The following PLCB1 variants were observed in gnomAD, a reference collection of about 807,000 sequenced individuals.
PLCB1 encodes phospholipase C beta 1, also known as 1-phosphatidylinositol 4,5-bisphosphate phosphodiesterase beta-1.
In PLCB1, 46 loss-of-function variants were observed where a neutral mutation model predicts 161.8. The ratio of observed to expected loss-of-function variants is 0.28; its 90% CI spans 0.22 to 0.36. PLCB1 has a LOEUF of 0.36. PLCB1 is among the 10% of genes least tolerant of loss of function. The probability of loss-of-function intolerance (pLI) is 1.00; values close to 1 mark genes in which losing one functional copy is unlikely to be tolerated. For missense variants in PLCB1, 1,016 were observed against 1,472.5 expected, an observed-to-expected ratio of 0.69 and a Z score of 5.07; for synonymous variants, 517 against 503.7, an observed-to-expected ratio of 1.03 and a Z score of -0.35.
chr20:8,265,644 C>T (rs1981918967), intron 2 of PLCB1, among the ~76,000 whole-genome samples: 1 of 152,104 alleles, frequency 6.6e-6, no homozygotes, highest in African/African-American at 2.4e-5. Flanking sequence ...AACATATGAA[C>T]TTCAGTAATT....
chr20:8,331,843 C>G (rs1985377096), intron 2 of PLCB1, among the ~76,000 whole-genome samples: 1 of 152,186 alleles, frequency 6.6e-6, no homozygotes, highest in South Asian at 2.1e-4. Context: ...CTTCATATGG[C>G]TTAATATCAC....
At chr20:8,617,658 C>T (rs941508107) in intron 3 of PLCB1, among the ~76,000 whole-genome samples, 8 of 152,124 alleles carry the variant, frequency 5.3e-5, no homozygotes, top group Non-Finnish European at 8.8e-5. Flanking sequence ...CCACAAGAGG[C>T]AACCAATTCA....
chr20:8,454,600 G>T (rs1981215953), intron 3 of PLCB1, among the ~76,000 whole-genome samples: 1 of 152,108 alleles, frequency 6.6e-6, no homozygotes, highest in Admixed American at 6.5e-5. Flanking sequence ...ACTGGTTATT[G>T]GGCTGAGCAT....
At position 8,882,068 on chromosome 20, in the gene PLCB1, A is replaced by T; in HGVS notation, c.*219A>T. ...CCACAGGTCTGCTAGTGAAGAATGC[A>T]TGTATGTGAGATTTTTGTTTTCTTT... On this transcript the variant is annotated 3_prime_UTR_variant, in exon 32 of 32. Transcript: ENST00000338037. The T allele has an allele frequency of 2.1e-6, 1 of 475,688 alleles. No individual in the cohort carries two copies. The highest frequency in any genetic ancestry group is 3.7e-6 in the Non-Finnish European group (1 of 270,212). 29.5% of individuals were successfully genotyped at this position (475,688 alleles called of 1,614,324 possible).
intron 2 of PLCB1, among the ~76,000 whole-genome samples, chr20:8,349,159 A>G (rs1234719712): frequency 1.3e-5 from 2 of 152,196 alleles, no homozygotes; most frequent in African/African-American, 2.4e-5. Context: ...TGCACAGACA[A>G]TAAAATCCTT....
chr20:8,298,246 G>C (rs2123314911), intron 2 of PLCB1, among the ~76,000 whole-genome samples: 1 of 147,710 alleles, frequency 6.8e-6, no homozygotes, highest in East Asian at 2.0e-4. Context: ...AGTGAGCCAT[G>C]ATCACACCAC....
intron 2 of PLCB1, among the ~76,000 whole-genome samples, chr20:8,276,974 CTTCTTCTTCTTCTTATTATTA>C (rs1284908628): frequency 3.3e-4 from 33 of 100,944 alleles, no homozygotes; most frequent in African/African-American, 9.3e-4. Context: ...TCTTCTTCTT[CTTCTTCTTCTTCTTATTATTA>C]TTATTATTAT....
intron 23 of PLCB1, among the ~76,000 whole-genome samples, chr20:8,746,417 G>C (rs1981173721): frequency 6.6e-6 from 1 of 152,050 alleles, no homozygotes; most frequent in Non-Finnish European, 1.5e-5. Flanking sequence ...TGCAATATTT[G>C]AATATGACTT....
In PLCB1 at chr20:8,628,952, A is replaced by G. The variant is rs554645042; in HGVS notation, c.384+521A>G. On this transcript the variant is annotated intron_variant, in intron 4 of 31. Transcript: ENST00000338037. ...TATCTCAAAAAAAAAAAATAAATAA[A>G]TAAAGAGAATAAGGCATTTGATATA... 1.2e-4 allele frequency among the ~76,000 whole-genome samples: 19 copies of G among 152,260 alleles called. 1 individual carries two copies. Among genetic ancestry groups the G allele is most frequent in the African/African-American group, 3.9e-4 (16 of 41,548 alleles).
At chr20:8,291,790 G>T (rs1274179714) in intron 2 of PLCB1, among the ~76,000 whole-genome samples, 1 of 152,106 alleles carries the variant, frequency 6.6e-6, no homozygotes. Flanking sequence ...AGATGGGGAA[G>T]TTGAAGCACT....
intron 3 of PLCB1, among the ~76,000 whole-genome samples, chr20:8,503,460 T>C (rs6086473): frequency 0.69 from 105,078 of 151,928 alleles, 36,487 homozygotes; most frequent in Middle Eastern, 0.7. Context: ...TCTCTCTTAC[T>C]TGCAGGGTTA....
chr20:8,148,019 C>T (rs2051472303), intron 1 of PLCB1, among the ~76,000 whole-genome samples: 1 of 151,898 alleles, frequency 6.6e-6, no homozygotes, highest in African/African-American at 2.4e-5. Context: ...ATTCTGCTCA[C>T]TTAAATATTT....
At chr20:8,817,377 G>C (rs968756091) in intron 31 of PLCB1, among the ~76,000 whole-genome samples, 1 of 152,042 alleles carries the variant, frequency 6.6e-6, no homozygotes, top group African/African-American at 2.4e-5. Flanking sequence ...GTGTAGAATA[G>C]AGGAGGAAAA....
intron 31 of PLCB1, among the ~76,000 whole-genome samples, chr20:8,800,480 GAC>G (rs1171100627): frequency 6.6e-6 from 1 of 151,974 alleles, no homozygotes; most frequent in Non-Finnish European, 1.5e-5. Context: ...CATTTATACA[GAC>G]ACACGAACAA....
At chr20:8,213,172 T>G (rs1881941978) in intron 2 of PLCB1, among the ~76,000 whole-genome samples, 3 of 152,130 alleles carry the variant, frequency 2.0e-5, no homozygotes, top group African/African-American at 7.2e-5. Context: ...AAGGCTAAAG[T>G]GGTAAACAAG....
intron 3 of PLCB1, among the ~76,000 whole-genome samples, chr20:8,521,751 A>G (rs903907255): frequency 3.3e-5 from 5 of 152,228 alleles, no homozygotes; most frequent in Non-Finnish European, 7.3e-5. Flanking sequence ...GTTCAAATAC[A>G]TTGGTACTTA....
chr20:8,700,519 G>C lies in PLCB1; in HGVS notation c.1167+2736G>C, dbSNP rs1280423470. ...ACGGGCTGATTGAACATCTCTTTCT[G>C]GGCTCTGGAAGCATGGCTTCTCAAC... On this transcript the variant is annotated intron_variant, in intron 11 of 31. Coordinates refer to ENST00000338037, the MANE Select transcript of PLCB1 (RefSeq NM_015192.4). Among the ~76,000 whole-genome samples the C allele has an allele frequency of 2.0e-5, 3 of 152,114 alleles. No individual in the cohort carries two copies. In the East Asian group the frequency reaches 5.8e-4, roughly 29 times the overall value.
At chr20:8,581,578 C>G (rs554120341) in intron 3 of PLCB1, among the ~76,000 whole-genome samples, 122 of 152,060 alleles carry the variant, frequency 8.0e-4, no homozygotes, top group Non-Finnish European at 1.6e-3. Flanking sequence ...TATGGGAAAT[C>G]AGGAAGGTAA....
intron 23 of PLCB1, among the ~76,000 whole-genome samples, chr20:8,743,638 T>A (rs1830651765): frequency 6.6e-6 from 1 of 152,180 alleles, no homozygotes; most frequent in Non-Finnish European, 1.5e-5. Flanking sequence ...AGAATCCTCA[T>A]GTCCACTTCT....
Sources: gnomAD v4.1 joint callset for allele counts (sites outside exome capture counted in the v4.1 genomes callset) on GRCh38, gnomAD v4.1.1 for gene constraint, MANE v1.5 for transcripts, NCBI Gene and HGNC (gene_info 2026-07-23, HGNC 2026-07-21) for gene names.